The following FAM131B variants were observed in gnomAD, a reference collection of about 807,000 sequenced individuals.
FAM131B encodes protein FAM131B.
In FAM131B, 19 loss-of-function variants were observed where a neutral mutation model predicts 42.0. The observed-to-expected ratio is 0.45, with a 90% confidence interval of 0.32 to 0.66. The LOEUF is 0.66. Ranked by LOEUF, FAM131B falls within the 30% of genes least tolerant of loss-of-function variation. The probability of loss-of-function intolerance (pLI) is 0.05; values close to 1 mark genes in which losing one functional copy is unlikely to be tolerated. For missense variants in FAM131B, 370 were observed against 468.4 expected (o/e 0.79, Z 1.94); for synonymous variants, 183 against 177.6 (o/e 1.03, Z -0.24).
At position 143,359,532 on chromosome 7, in the gene FAM131B, T is replaced by A. The variant is rs755143674; in HGVS notation, c.175-113A>T. 1.0e-6 allele frequency: 1 copy of A among 977,460 alleles called. No individual in the cohort carries two copies. Among genetic ancestry groups the A allele is most frequent in the African/African-American group, 1.6e-5 (1 of 62,702 alleles). 60.5% of individuals were successfully genotyped at this position (977,460 alleles called of 1,614,324 possible). On this transcript the variant is annotated intron_variant, in intron 3 of 6. Transcript: ENST00000443739. The surrounding 1 kb of genome is among the most constrained non-coding windows in gnomAD (Gnocchi z 5.4). ...AAAGCATTCGAGCTAGGGCAGATGA[T>A]AAGAAAAGCTACTATACCCAAGAGT...
chr7:143,381,006 A>G, the FAM131B span: 1 of 265,938 alleles, frequency 3.8e-6, no homozygotes, highest in Non-Finnish European at 5.8e-6. Context: ...GATCTCGGGC[A>G]CCCGCGGGTC....
At chr7:143,375,054 T>A in the FAM131B span, among the ~76,000 whole-genome samples, 1 of 152,230 alleles carries the variant, frequency 6.6e-6, no homozygotes, top group Non-Finnish European at 1.5e-5. Flanking sequence ...TGCTCATTAT[T>A]ATGTCCCCAG....
Position 143,362,452 on chromosome 7 carries a change from G to A in FAM131B, c.28+124C>T, listed in dbSNP as rs1804047036. The A allele has an allele frequency of 2.7e-6, 1 of 374,202 alleles. No homozygotes were observed. The highest frequency in any genetic ancestry group is 4.7e-6 in the Non-Finnish European group (1 of 214,306). 23.2% of individuals were successfully genotyped at this position (374,202 alleles called of 1,614,324 possible). A position where few individuals can be genotyped will look rare whatever the true frequency, so the allele number is the denominator to read the frequency against. On this transcript the variant is annotated intron_variant, in intron 1 of 6. Coordinates refer to ENST00000443739, the MANE Select transcript of FAM131B (RefSeq NM_001031690.3). The surrounding 1 kb of genome is among the most constrained non-coding windows in gnomAD (Gnocchi z 7.7). ...CGCGGGCGGACGGAAGGAAAGTGAA[G>A]GAGCTAGCAGGGCAAGGCGGGTGCG...
chr7:143,363,009 G>A (rs1011371818), upstream of FAM131B, among the ~76,000 whole-genome samples: 14 of 152,046 alleles, frequency 9.2e-5, no homozygotes, highest in Non-Finnish European at 1.2e-4. Context: ...TTCAGGAGCC[G>A]AGGCACGAAC....
upstream of FAM131B, chr7:143,362,720 C>G: frequency 2.5e-6 from 1 of 393,350 alleles, no homozygotes; most frequent in Non-Finnish European, 3.9e-6. The surrounding 1 kb of genome is among the most constrained non-coding windows in gnomAD (Gnocchi z 7.7). Flanking sequence ...CTCCGCTCGG[C>G]TCCGCTCCCC....
the FAM131B span, among the ~76,000 whole-genome samples, chr7:143,374,058 C>A: frequency 2.6e-5 from 4 of 152,116 alleles, no homozygotes; most frequent in Non-Finnish European, 5.9e-5. Flanking sequence ...GCCCTCTCGA[C>A]TGTTCATGCA....
the FAM131B span, among the ~76,000 whole-genome samples, chr7:143,377,304 A>G: frequency 6.6e-6 from 1 of 152,234 alleles, no homozygotes; most frequent in Admixed American, 6.5e-5. Context: ...GCTATTTTAC[A>G]AAAGCACGTA....
chr7:143,363,096 G>A (rs1470609076), upstream of FAM131B, among the ~76,000 whole-genome samples: 2 of 152,172 alleles, frequency 1.3e-5, no homozygotes, highest in Admixed American at 6.5e-5. Flanking sequence ...AAAGTGGGGT[G>A]GTGGTGAGAA....
chr7:143,379,256 C>T, the FAM131B span, among the ~76,000 whole-genome samples: 139 of 152,294 alleles, frequency 9.1e-4, no homozygotes, highest in African/African-American at 3.2e-3. Context: ...TGTGATGAGA[C>T]TTTTGGTCTG....
the FAM131B span, among the ~76,000 whole-genome samples, chr7:143,376,294 A>G: frequency 6.6e-6 from 1 of 152,180 alleles, no homozygotes; most frequent in Non-Finnish European, 1.5e-5. Context: ...TTATTATACT[A>G]AAACTATCTA....
At position 143,360,026 on chromosome 7, in the gene FAM131B, G is replaced by C. The variant is rs759903895; in HGVS notation, c.138+14C>G. On this transcript the variant is annotated intron_variant, in intron 2 of 6. Coordinates refer to ENST00000443739, the MANE Select transcript of FAM131B (RefSeq NM_001031690.3). ...AGGCAGCCAGAGACTTGGGGTGGCT[G>C]AGTGAGGTCTCACCTCAGTCGATGG... The C allele has an allele frequency of 1.3e-6, 2 of 1,593,732 alleles. No individual in the cohort carries two copies. Among genetic ancestry groups the C allele is most frequent in the African/African-American group, 2.7e-5 (2 of 74,490 alleles).
In FAM131B at chr7:143,359,474, T is replaced by A; in HGVS notation, c.175-55A>T. On this transcript the variant is annotated intron_variant, in intron 3 of 6. Coordinates refer to ENST00000443739, the MANE Select transcript of FAM131B (RefSeq NM_001031690.3). This position sits in a 1 kb window ranked among gnomAD's most constrained non-coding sequence, Gnocchi z 5.4. Reference sequence around the variant, plus strand: ...AGGAATAAGAAGGTACGGGCGTGCTTTATACATGGAGGAGGTTCATGGTTT... The same window carrying A: ...AGGAATAAGAAGGTACGGGCGTGCTATATACATGGAGGAGGTTCATGGTTT... 7.3e-7 allele frequency: 1 copy of A among 1,370,098 alleles called. No individual in the cohort carries two copies. Among genetic ancestry groups the A allele is most frequent in the Non-Finnish European group, 1.0e-6 (1 of 965,330 alleles). The allele number at this position is 1,370,098 out of a possible 1,614,324, so 84.9% of individuals were successfully genotyped here. A position where few individuals can be genotyped will look rare whatever the true frequency, so the allele number is the denominator to read the frequency against.
the FAM131B span, chr7:143,382,061 C>A: frequency 4.9e-6 from 3 of 616,942 alleles, no homozygotes; most frequent in Non-Finnish European, 8.3e-6. Context: ...TGCACCACTC[C>A]TCGGCAGTGC....
At chr7:143,374,868 A>G in the FAM131B span, among the ~76,000 whole-genome samples, 6 of 152,090 alleles carry the variant, frequency 3.9e-5, no homozygotes, top group Admixed American at 1.3e-4. Flanking sequence ...GAGCTCCCCA[A>G]CCAGGTCACA....
At chr7:143,366,074 A>G (rs1221312748), upstream of FAM131B, among the ~76,000 whole-genome samples, 3 of 152,174 alleles carry the variant, frequency 2.0e-5, no homozygotes, top group African/African-American at 7.2e-5. Context: ...ATTTAAACTC[A>G]GCTCCTCAGA....
In FAM131B at chr7:143,360,518, T is replaced by C. The variant is rs903091772; in HGVS notation, c.29-369A>G. ...TCTACAGATAAGGGCAGAGCTGCTCTATGAGGAACTTTTCTCTATGCTTAG... is the reference window on the plus strand; with the variant it reads ...TCTACAGATAAGGGCAGAGCTGCTCCATGAGGAACTTTTCTCTATGCTTAG... On this transcript the variant is annotated intron_variant, in intron 1 of 6. Transcript: ENST00000443739. 5 of 608,304 alleles carry C rather than the reference T, an allele frequency of 8.2e-6. No individual in the cohort carries two copies. In the South Asian group the frequency reaches 1.9e-4, roughly 23 times the overall value. The allele number at this position is 608,304 out of a possible 1,614,324, so 37.7% of individuals were successfully genotyped here.
chr7:143,366,087 G>GA (rs1266125656), upstream of FAM131B, among the ~76,000 whole-genome samples: 1 of 152,126 alleles, frequency 6.6e-6, no homozygotes, highest in Non-Finnish European at 1.5e-5. Context: ...TCCTCAGAGG[G>GA]AAAATCTATT....
At chr7:143,380,029 C>T in the FAM131B span, 1 of 980,934 alleles carries the variant, frequency 1.0e-6, no homozygotes, top group Non-Finnish European at 1.2e-6. This position sits in a 1 kb window ranked among gnomAD's most constrained non-coding sequence, Gnocchi z 5.0. Context: ...CCAGGTGCTC[C>T]TTGCCAGTAG....
At chr7:143,377,102 C>T in the FAM131B span, among the ~76,000 whole-genome samples, 179 of 152,174 alleles carry the variant, frequency 1.2e-3, no homozygotes, top group African/African-American at 3.7e-3. Context: ...GGATTACAGG[C>T]GCACACCACC....
Sources: gnomAD v4.1 joint callset for allele counts (sites outside exome capture counted in the v4.1 genomes callset) on GRCh38, gnomAD v4.1.1 for gene constraint, Gnocchi (gnomAD v3.1) non-coding constraint, MANE v1.5 for transcripts, NCBI Gene and HGNC (gene_info 2026-07-23, HGNC 2026-07-21) for gene names.